Variants in TRIM68 observed in about 807,000 individuals in gnomAD.
The protein encoded by TRIM68 is tripartite motif containing 68, also known as E3 ubiquitin-protein ligase TRIM68.
Under a neutral mutation model 41.9 loss-of-function variants are expected in TRIM68, and 36 were observed. The observed-to-expected ratio is 0.86, with a 90% CI of 0.66 to 1.14. The LOEUF (loss-of-function observed/expected upper bound fraction) is 1.14, where lower values mean the gene tolerates loss of function less well. Among genes scored for constraint, TRIM68 ranks in the 50% most tolerant of loss-of-function variants. The pLI, the probability that TRIM68 is intolerant of heterozygous loss-of-function variation, is 0.00. For synonymous variants in TRIM68, 225 were observed against 224.6 expected, an observed-to-expected ratio of 1.00 and a Z score of -0.02; for missense variants, 632 against 605.1, an observed-to-expected ratio of 1.04 and a Z score of -0.47.
intron 4 of TRIM68, 40 bp from the exon 5 acceptor site, chr11:4,601,726 T>A: frequency 1.2e-6 from 2 of 1,611,386 alleles, no homozygotes; most frequent in Non-Finnish European, 1.7e-6. Context: ...GAGTAAGTGC[T>A]ATTCCTCAGA....
intron 2 of TRIM68, among the ~76,000 whole-genome samples, chr11:4,604,801 C>T (rs1390829113): frequency 1.3e-5 from 2 of 152,214 alleles, no homozygotes; most frequent in Non-Finnish European, 1.5e-5. Flanking sequence ...AAAACCCAAA[C>T]TGTTTTCCTT....
chr11:4,601,838 G>T, intron 4 of TRIM68, 152 bp from the exon 5 acceptor site: 2 of 955,396 alleles, frequency 2.1e-6, no homozygotes, highest in Non-Finnish European at 3.2e-6. Context: ...CCTATGGAAG[G>T]ATGGAAGAGC....
Position 4,602,223 on chromosome 11 carries a change from T to C in TRIM68, c.712A>G (p.Ser238Gly). The change falls in exon 4 of 7, where the codon AGC becomes GGC. Residue 238 changes from serine to glycine, a missense_variant. Ser to Gly is a moderately conservative substitution (Grantham distance 56, BLOSUM62 0). Coordinates refer to ENST00000300747, the MANE Select transcript of TRIM68 (RefSeq NM_018073.8). ...GCAATCATCCTCCACAGGACCTGGC[T>C]CTGCTGGATGAGCTCGCTATGGTTC... The part of the protein sequence containing the change: ...ELNHSELIQQ[S>G]QVLWRMIAEL... 1 of 1,614,132 alleles carries C rather than the reference T, an allele frequency of 6.2e-7. No individual in the cohort carries two copies. Among genetic ancestry groups the C allele is most frequent in the Non-Finnish European group, 8.5e-7 (1 of 1,180,026 alleles).
intron 1 of TRIM68, among the ~76,000 whole-genome samples, chr11:4,605,941 A>G (rs1201067596): frequency 6.6e-6 from 1 of 152,228 alleles, no homozygotes; most frequent in Non-Finnish European, 1.5e-5. Context: ...CAGTATCTGA[A>G]GTAAGGCCAT....
chr11:4,605,583 CAAAT>C (rs1229132391), intron 1 of TRIM68, 22 bp from the exon 2 acceptor site: 1 of 1,371,630 alleles, frequency 7.3e-7, no homozygotes, highest in Non-Finnish European at 9.9e-7. Flanking sequence ...AAAAGAAAGA[CAAAT>C]AAGAGAAAAA....
rs567322659 is a variant in TRIM68, at chr11:4,599,126, T to C, written c.*1150A>G. Reference sequence around the variant, plus strand: ...GCATGTGACCTGCGAAGTGAGTTTGTCAACCTTGTTTCACTTGAGTGTGAA... The same window carrying C: ...GCATGTGACCTGCGAAGTGAGTTTGCCAACCTTGTTTCACTTGAGTGTGAA... On this transcript the variant is annotated 3_prime_UTR_variant, in exon 7 of 7. Transcript: ENST00000300747. 15 of 152,344 alleles carry C rather than the reference T, an allele frequency of 9.8e-5. No homozygotes were observed. The highest frequency in any genetic ancestry group is 2.6e-4 in the African/African-American group (11 of 41,584). The allele number at this position is 152,344 out of a possible 1,614,324, so 9.4% of individuals were successfully genotyped here.
At chr11:4,603,015 A>G (rs1348023508) in intron 3 of TRIM68, among the ~76,000 whole-genome samples, 3 of 152,206 alleles carry the variant, frequency 2.0e-5, no homozygotes, top group Admixed American at 1.3e-4. Flanking sequence ...TTTCTCATAT[A>G]GGAGGATACA....
rs1324046969 is a variant in TRIM68, at chr11:4,601,108, G to A, written c.826C>T (p.Gln276Ter). The A allele has an allele frequency of 1.2e-6, 2 of 1,614,022 alleles. No homozygotes were observed. The highest frequency in any genetic ancestry group is 1.7e-6 in the Non-Finnish European group (2 of 1,179,984). Reference protein sequence around the residue: ...VLNRSKSWSLQQPEPISLELK... With the variant: ...VLNRSKSWSL Reference sequence around the variant, plus strand: ...TCCAGGGAGATTGGTTCTGGCTGCTGCAAGCTCCAAGATTTGCTCCTGGTA... The same window carrying A: ...TCCAGGGAGATTGGTTCTGGCTGCTACAAGCTCCAAGATTTGCTCCTGGTA... The change falls in exon 6 of 7, where the codon CAG becomes TAG. Residue 276 changes from glutamine (Q) to a stop codon, truncating the protein, a stop_gained. Transcript: ENST00000300747. LOFTEE classifies it high-confidence loss of function.
intron 1 of TRIM68, among the ~76,000 whole-genome samples, chr11:4,607,210 C>G (rs1002642375): frequency 1.3e-5 from 2 of 152,208 alleles, no homozygotes; most frequent in Non-Finnish European, 2.9e-5. Flanking sequence ...CGTCATTTGC[C>G]ATGTATTCGT....
rs955944875 is a variant in TRIM68, at chr11:4,601,553, C to T, written c.806+111G>A. The T allele has an allele frequency of 3.3e-5, 38 of 1,149,752 alleles. No individual in the cohort carries two copies. The African/African-American group carries it at 5.6e-4, about 17-fold the overall frequency. The allele number at this position is 1,149,752 out of a possible 1,614,324, so 71.2% of individuals were successfully genotyped here. A position where few individuals can be genotyped will look rare whatever the true frequency, so the allele number is the denominator to read the frequency against. ...TAAGTGGGACGAGACTGTGGACCAG[C>T]ACCTGCTTTTCTGTGTGCACCGAGT... On this transcript the variant is annotated intron_variant, in intron 5 of 6. Transcript: ENST00000300747.
intron 1 of TRIM68, 31 bp from the exon 2 acceptor site, chr11:4,605,592 G>C: frequency 2.3e-6 from 3 of 1,304,278 alleles, no homozygotes; most frequent in Non-Finnish European, 3.1e-6. Flanking sequence ...ACAAATAAGA[G>C]AAAAAGGTAA....
intron 1 of TRIM68, among the ~76,000 whole-genome samples, chr11:4,606,982 T>A (rs960761474): frequency 2.6e-5 from 4 of 152,178 alleles, no homozygotes; most frequent in Non-Finnish European, 5.9e-5. Context: ...TGGGATCCAG[T>A]ATCCTAAAAC....
chr11:4,603,303 T>C lies in TRIM68; in HGVS notation c.464A>G (p.Glu155Gly), dbSNP rs1420435648. ...LHEALEHLKKEQEEAWKLEVG... is the reference protein window; with the variant it reads ...LHEALEHLKKGQEEAWKLEVG... ...TTCAAGCTTCCAGGCCTCTTCTTGC[T>C]CTTTCTTCAGATGTTCGAGGGCCTC... Residue 155 changes from glutamate (E) to glycine (G), a missense_variant, in exon 3 of 7, where the codon GAG becomes GGG. Glu to Gly is a moderately conservative substitution (Grantham distance 98, BLOSUM62 -2). Coordinates refer to ENST00000300747, the MANE Select transcript of TRIM68 (RefSeq NM_018073.8). The C allele has an allele frequency of 1.9e-6, 3 of 1,614,098 alleles. No homozygotes were observed. In the African/African-American group the frequency reaches 4.0e-5, roughly 22 times the overall value.
chr11:4,598,845 G>C lies in TRIM68; in HGVS notation c.*1431C>G, dbSNP rs1216539404. The C allele has an allele frequency of 6.6e-6, 1 of 152,220 alleles. No homozygotes were observed. Among genetic ancestry groups the C allele is most frequent in the African/African-American group, 2.4e-5 (1 of 41,442 alleles). 9.4% of individuals were successfully genotyped at this position (152,220 alleles called of 1,614,324 possible). A position where few individuals can be genotyped will look rare whatever the true frequency, so the allele number is the denominator to read the frequency against. ...CTGCCAGCAGAGGCCCTGAGACAAA[G>C]GCACTGCTATAAGATGCAGACTGTA... On this transcript the variant is annotated 3_prime_UTR_variant, in exon 7 of 7. Coordinates refer to ENST00000300747, the MANE Select transcript of TRIM68 (RefSeq NM_018073.8).
rs1339658935 is a variant in TRIM68 at position 4,605,116 on chromosome 11, C to A, written c.389G>T (p.Ser130Ile). ...CSQSPEHEAH[S>I]VVPMEDVAWE... ...GGCAACATCCTCCATTGGCACAACA[C>A]TGTGGGCCTCATGCTCTGGGGACTG... The change falls in exon 2 of 7, where the codon AGT becomes ATT. Residue 130 changes from serine to isoleucine, a missense_variant. Ser to Ile is a moderately radical substitution (Grantham distance 142). Transcript: ENST00000300747. 6.8e-6 allele frequency: 11 copies of A among 1,614,110 alleles called. No homozygotes were observed. In the East Asian group the frequency reaches 2.4e-4, roughly 36 times the overall value.
chr11:4,602,458 A>C (rs776646574), intron 3 of TRIM68, 46 bp from the exon 4 acceptor site: 20 of 1,604,102 alleles, frequency 1.2e-5, no homozygotes, highest in Non-Finnish European at 9.4e-6. Context: ...TCAGTCACCC[A>C]GTATCGAGCA....
At position 4,600,341 on chromosome 11, in the gene TRIM68, A is replaced by G; in HGVS notation, c.1393T>C (p.Cys465Arg). 2 of 1,612,628 alleles carry G rather than the reference A, an allele frequency of 1.2e-6. No individual in the cohort carries two copies. Among genetic ancestry groups the G allele is most frequent in the Non-Finnish European group, 1.7e-6 (2 of 1,179,286 alleles). ...GTGTTGTTGGTTCCAATGCTGTAGC[A>G]AGGACTAAAATAGGGCAGGAGGCGC... ...PGRLLPYFSP[C>R]YSIGTNNTAP... The change falls in exon 7 of 7, where the codon TGC becomes CGC. Residue 465 changes from cysteine (C) to arginine (R), a missense_variant. Transcript: ENST00000300747.
At position 4,599,125 on chromosome 11, in the gene TRIM68, G is replaced by C. The variant is rs1440101562; in HGVS notation, c.*1151C>G. 1.3e-5 allele frequency: 2 copies of C among 152,340 alleles called. No individual in the cohort carries two copies. The highest frequency in any genetic ancestry group is 2.1e-4 in the South Asian group (1 of 4,830). The allele number at this position is 152,340 out of a possible 1,614,324, so 9.4% of individuals were successfully genotyped here. A position where few individuals can be genotyped will look rare whatever the true frequency, so the allele number is the denominator to read the frequency against. On this transcript the variant is annotated 3_prime_UTR_variant, in exon 7 of 7. Transcript: ENST00000300747. Reference sequence around the variant, plus strand: ...GGCATGTGACCTGCGAAGTGAGTTTGTCAACCTTGTTTCACTTGAGTGTGA... The same window carrying C: ...GGCATGTGACCTGCGAAGTGAGTTTCTCAACCTTGTTTCACTTGAGTGTGA...
chr11:4,602,063 C>A (rs1381496617), intron 4 of TRIM68, 89 bp downstream of exon 4: 36 of 1,567,396 alleles, frequency 2.3e-5, no homozygotes, highest in Non-Finnish European at 3.0e-5. Flanking sequence ...GGCTGGCAGT[C>A]CCTACTGAAG....
Sources: gnomAD v4.1 joint callset for allele counts (sites outside exome capture counted in the v4.1 genomes callset) on GRCh38, gnomAD v4.1.1 for gene constraint, MANE v1.5 for transcripts, NCBI Gene and HGNC (gene_info 2026-07-23, HGNC 2026-07-21) for gene names.